Variants in FTCDNL1 observed in about 807,000 individuals in gnomAD.
The protein encoded by FTCDNL1 is formiminotransferase N-terminal subdomain-containing protein.
Under a neutral mutation model 5.9 loss-of-function variants are expected in FTCDNL1, and 11 were observed. The ratio of observed to expected loss-of-function variants is 1.87; its 90% CI spans 1.18 to 3.10. FTCDNL1 has a LOEUF of 3.10. FTCDNL1 is among the 30% of genes most tolerant of loss of function. The pLI is 0.00. For missense variants in FTCDNL1, 115 were observed against 65.5 expected (o/e 1.76, Z -2.61); for synonymous variants, 58 against 24.8 (o/e 2.34, Z -3.99).
the FTCDNL1 span, among the ~76,000 whole-genome samples, chr2:199,745,960 T>A: frequency 6.6e-6 from 1 of 152,184 alleles, no homozygotes; most frequent in Non-Finnish European, 1.5e-5. Flanking sequence ...CAACTTATAC[T>A]TAAGTGTAAA....
chr2:199,684,552 A>C, the FTCDNL1 span, among the ~76,000 whole-genome samples: 1 of 152,228 alleles, frequency 6.6e-6, no homozygotes, highest in Non-Finnish European at 1.5e-5. Context: ...GGGATAAGAC[A>C]TACAACTGTA....
At chr2:199,841,986 C>T (rs377246398) in intron 3 of FTCDNL1, among the ~76,000 whole-genome samples, 7 of 152,078 alleles carry the variant, frequency 4.6e-5, no homozygotes, top group African/African-American at 7.2e-5. Flanking sequence ...TAGCCAAGTG[C>T]GGTGGCTCAT....
At chr2:199,791,961 A>C (rs923961161) in intron 3 of FTCDNL1, among the ~76,000 whole-genome samples, 2 of 152,170 alleles carry the variant, frequency 1.3e-5, no homozygotes, top group African/African-American at 2.4e-5. Flanking sequence ...CCATAACAGT[A>C]CTAAAAGAAT....
chr2:199,767,369 C>T (rs184480366), intron 3 of FTCDNL1, among the ~76,000 whole-genome samples: 14 of 152,302 alleles, frequency 9.2e-5, no homozygotes, highest in Non-Finnish European at 1.6e-4. Context: ...TCAGCTTCTA[C>T]TTGAATCCCT....
the FTCDNL1 span, among the ~76,000 whole-genome samples, chr2:199,701,341 A>C: frequency 2.3e-5 from 2 of 86,080 alleles, no homozygotes; most frequent in South Asian, 4.1e-4. Context: ...AAAAAAAAAA[A>C]AAAAAAAAAA....
chr2:199,841,028 G>A (rs1042565640), intron 3 of FTCDNL1, among the ~76,000 whole-genome samples: 3 of 152,040 alleles, frequency 2.0e-5, no homozygotes, highest in African/African-American at 4.8e-5. Flanking sequence ...GCATGCACCT[G>A]TGATCACAGC....
chr2:199,754,368 G>A, the FTCDNL1 span, among the ~76,000 whole-genome samples: 1 of 152,080 alleles, frequency 6.6e-6, no homozygotes, highest in Non-Finnish European at 1.5e-5. Flanking sequence ...CCACGTCCAT[G>A]GGCTGAACTG....
chr2:199,806,674 T>G (rs1700742497), downstream of FTCDNL1, among the ~76,000 whole-genome samples: 1 of 152,102 alleles, frequency 6.6e-6, no homozygotes, highest in African/African-American at 2.4e-5. Flanking sequence ...TTTTCCTTAC[T>G]CCCCTCTCCC....
At chr2:199,785,741 A>T (rs1216688629) in intron 3 of FTCDNL1, among the ~76,000 whole-genome samples, 1 of 152,158 alleles carries the variant, frequency 6.6e-6, no homozygotes, top group Admixed American at 6.5e-5. Context: ...CCTCCCAAGT[A>T]CAGGTCCTCC....
chr2:199,752,840 G>C, the FTCDNL1 span, among the ~76,000 whole-genome samples: 1 of 151,692 alleles, frequency 6.6e-6, no homozygotes, highest in African/African-American at 2.4e-5. Flanking sequence ...TAGAGAGAGA[G>C]AGAGAGACAG....
chr2:199,721,830 A>T, the FTCDNL1 span, among the ~76,000 whole-genome samples: 8 of 152,160 alleles, frequency 5.3e-5, no homozygotes, highest in Admixed American at 4.6e-4. Flanking sequence ...GACTGGTGTG[A>T]GATGGTATCT....
intron 3 of FTCDNL1, among the ~76,000 whole-genome samples, chr2:199,835,962 T>C (rs2577850): frequency 0.38 from 57,896 of 151,916 alleles, 11,172 homozygotes; most frequent in East Asian, 0.48. Flanking sequence ...CTGAGTGTCT[T>C]AAGAGACCTT....
intron 1 of FTCDNL1, among the ~76,000 whole-genome samples, chr2:199,850,448 C>T (rs1293978554): frequency 6.6e-6 from 1 of 152,208 alleles, no homozygotes; most frequent in East Asian, 1.9e-4. Flanking sequence ...TCCTCTCATT[C>T]CACATTTTGA....
chr2:199,670,371 T>C, the FTCDNL1 span, among the ~76,000 whole-genome samples: 5 of 152,320 alleles, frequency 3.3e-5, no homozygotes, highest in East Asian at 9.6e-4. Flanking sequence ...CTGCTGTCAC[T>C]TTCCAGTCTC....
chr2:199,830,729 G>C (rs1033560148), intron 3 of FTCDNL1, among the ~76,000 whole-genome samples: 4 of 152,058 alleles, frequency 2.6e-5, no homozygotes, highest in Admixed American at 2.0e-4. Flanking sequence ...CCCCCACATG[G>C]CTAGAACTTG....
chr2:199,700,854 G>A, the FTCDNL1 span, among the ~76,000 whole-genome samples: 3 of 151,970 alleles, frequency 2.0e-5, no homozygotes, highest in African/African-American at 7.3e-5. Flanking sequence ...ACTGAAACTG[G>A]AACCCTTCCT....
the FTCDNL1 span, among the ~76,000 whole-genome samples, chr2:199,733,226 G>C: frequency 6.6e-6 from 1 of 152,224 alleles, no homozygotes; most frequent in East Asian, 1.9e-4. Context: ...CCAATCAGCA[G>C]GAAAGCGTAA....
At chr2:199,792,531 A>T (rs1699983439) in intron 3 of FTCDNL1, among the ~76,000 whole-genome samples, 1 of 152,054 alleles carries the variant, frequency 6.6e-6, no homozygotes, top group Non-Finnish European at 1.5e-5. Context: ...GCAAAACCAA[A>T]TTTCTGTACC....
At chr2:199,768,683 A>G (rs1287012410) in intron 3 of FTCDNL1, among the ~76,000 whole-genome samples, 2 of 152,168 alleles carry the variant, frequency 1.3e-5, no homozygotes, top group Non-Finnish European at 2.9e-5. Flanking sequence ...AGAGAAGGCA[A>G]GTTCTAGATG....
Sources: gnomAD v4.1 joint callset for allele counts (sites outside exome capture counted in the v4.1 genomes callset) on GRCh38, gnomAD v4.1.1 for gene constraint, MANE v1.5 for transcripts, NCBI Gene and HGNC (gene_info 2026-07-23, HGNC 2026-07-21) for gene names.